Variants in C17orf78 observed in about 807,000 individuals in gnomAD.
C17orf78 encodes the protein uncharacterized protein C17orf78.
Under a neutral mutation model 31.8 loss-of-function variants are expected in C17orf78, and 27 were observed. The observed-to-expected ratio is 0.85, with a 90% CI of 0.63 to 1.17. C17orf78 has a LOEUF of 1.17. Among genes scored for constraint, C17orf78 ranks in the 50% most tolerant of loss-of-function variants. The pLI is 0.00. For missense variants in C17orf78, 258 were observed against 315.2 expected, an observed-to-expected ratio of 0.82 and a Z score of 1.37; for synonymous variants, 106 against 115.1, an observed-to-expected ratio of 0.92 and a Z score of 0.51.
chr17:37,391,851 G>T lies in C17orf78; in HGVS notation c.*127G>T. 2 of 852,824 alleles carry T rather than the reference G, an allele frequency of 2.3e-6. No homozygotes were observed. Among genetic ancestry groups the T allele is most frequent in the East Asian group, 2.4e-5 (1 of 40,902 alleles). 52.8% of individuals were successfully genotyped at this position (852,824 alleles called of 1,614,324 possible). A position where few individuals can be genotyped will look rare whatever the true frequency, so the allele number is the denominator to read the frequency against. On this transcript the variant is annotated 3_prime_UTR_variant, in exon 7 of 7. Transcript: ENST00000615133. ...ACATTACAATCAAACACCAATTCCTGGTTAATGAAGGGAGAGTGTGGGCTT... is the reference window on the plus strand; with the variant it reads ...ACATTACAATCAAACACCAATTCCTTGTTAATGAAGGGAGAGTGTGGGCTT...
At chr17:37,390,908 T>A (rs1169191554) in intron 6 of C17orf78, among the ~76,000 whole-genome samples, 1 of 152,074 alleles carries the variant, frequency 6.6e-6, no homozygotes, top group Admixed American at 6.6e-5. Context: ...CAACTGTGAT[T>A]GAACTTCTAT....
intron 3 of C17orf78, among the ~76,000 whole-genome samples, 157 bp from the exon 4 acceptor site, chr17:37,385,852 G>C (rs775956451): frequency 3.6e-4 from 55 of 152,014 alleles, no homozygotes; most frequent in Non-Finnish European, 3.1e-4. Context: ...TTTACTCTTG[G>C]CATTATTTTG....
intron 6 of C17orf78, among the ~76,000 whole-genome samples, chr17:37,389,696 A>AT (rs1437587578): frequency 6.6e-6 from 1 of 152,030 alleles, no homozygotes; most frequent in Non-Finnish European, 1.5e-5. Context: ...CAAAAAAAAA[A>AT]GAAAGAAAAA....
At chr17:37,389,425 G>T (rs1219683090) in intron 6 of C17orf78, 63 bp downstream of exon 6, 2 of 1,535,104 alleles carry the variant, frequency 1.3e-6, no homozygotes, top group East Asian at 2.5e-5. Context: ...GGCCGGGCGT[G>T]GTGGCTCACA....
At chr17:37,384,589 G>A (rs1257835111) in intron 3 of C17orf78, among the ~76,000 whole-genome samples, 2 of 151,564 alleles carry the variant, frequency 1.3e-5, no homozygotes, top group African/African-American at 4.9e-5. Context: ...ATAACTTGTG[G>A]TGACTTGTCC....
At position 37,388,743 on chromosome 17, in the gene C17orf78, G is replaced by C; in HGVS notation, c.582G>C (p.Leu194Phe). The C allele has an allele frequency of 1.9e-6, 3 of 1,612,818 alleles. No individual in the cohort carries two copies. The highest frequency in any genetic ancestry group is 1.7e-6 in the Non-Finnish European group (2 of 1,179,262). The stretch of plus-strand genomic sequence containing the variant: ...AAATTCTGATTGCTGTCACCCTGTT[G>C]CTCAGTGGAGTTGCCATTATAGTAT... ...VVKILIAVTL[L>F]LSGVAIIVFV... The change falls in exon 5 of 7, where the codon TTG (leucine) becomes TTC (phenylalanine). Residue 194 changes from leucine to phenylalanine, a missense_variant. By Grantham distance (22) the Leu-to-Phe change is conservative (BLOSUM62 0). Transcript: ENST00000615133.
At chr17:37,377,277 G>A (rs1401467284) in intron 1 of C17orf78, among the ~76,000 whole-genome samples, 1 of 152,100 alleles carries the variant, frequency 6.6e-6, no homozygotes, top group Non-Finnish European at 1.5e-5. Flanking sequence ...AACTCTATTT[G>A]ACCTTTCTTT....
chr17:37,389,336 T>G lies in C17orf78; in HGVS notation c.724T>G (p.Ser242Ala). The G allele has an allele frequency of 6.3e-7, 1 of 1,591,666 alleles. No homozygotes were observed. Among genetic ancestry groups the G allele is most frequent in the Non-Finnish European group, 8.6e-7 (1 of 1,169,180 alleles). Residue 242 changes from serine to alanine, a missense_variant, in exon 6 of 7, where the codon TCC (serine) becomes GCC (alanine). Coordinates refer to ENST00000615133, the MANE Select transcript of C17orf78 (RefSeq NM_173625.5). ...AGGCCAGCCACCTGGGACAGCTGAATCCAAGCCTGACTCTCAGCCCCAGAA... is the reference window on the plus strand; with the variant it reads ...AGGCCAGCCACCTGGGACAGCTGAAGCCAAGCCTGACTCTCAGCCCCAGAA... ...KGGQPPGTAE[S>A]KPDSQPQKVG...
chr17:37,386,178 G>T (rs922800505), intron 4 of C17orf78, 53 bp downstream of exon 4: 139 of 1,207,926 alleles, frequency 1.2e-4, no homozygotes, highest in Non-Finnish European at 1.5e-4. Context: ...GGAGTAAAAT[G>T]GGAACAGAAA....
rs965885599 is a variant in C17orf78, at chr17:37,376,021, A to G, written c.-72A>G. On this transcript the variant is annotated 5_prime_UTR_variant, in exon 1 of 7. Transcript: ENST00000615133. ...CCAGCTGCGTGTGGTGAAAGCAACTAGAGGCAGAGCTATCAAGGGCTGTGA... is the reference window on the plus strand; with the variant it reads ...CCAGCTGCGTGTGGTGAAAGCAACTGGAGGCAGAGCTATCAAGGGCTGTGA... 118 of 1,332,058 alleles carry G rather than the reference A, an allele frequency of 8.9e-5. No homozygotes were observed. In the African/African-American group the frequency reaches 1.5e-3, roughly 17 times the overall value. 82.5% of individuals were successfully genotyped at this position (1,332,058 alleles called of 1,614,324 possible).
At chr17:37,376,669 T>C (rs1227658592) in intron 1 of C17orf78, among the ~76,000 whole-genome samples, 6 of 152,112 alleles carry the variant, frequency 3.9e-5, no homozygotes, top group Non-Finnish European at 5.9e-5. Flanking sequence ...AATTAGCTAA[T>C]CAAGGCTGGG....
At position 37,389,225 on chromosome 17, in the gene C17orf78, CCAGT is replaced by C; in HGVS notation, c.634-18_634-15del. 6.4e-7 allele frequency: 1 copy of C among 1,561,614 alleles called. No individual in the cohort carries two copies. The highest frequency in any genetic ancestry group is 8.7e-7 in the Non-Finnish European group (1 of 1,152,940). The stretch of plus-strand genomic sequence containing the variant: ...GCTTACCAGCCACTTCATATTAATA[CCAGT>C]CATTTTCTCCCTTCAGTATCAATGC... On this transcript the variant is annotated splice_polypyrimidine_tract_variant and intron_variant, in intron 5 of 6. Coordinates refer to ENST00000615133, the MANE Select transcript of C17orf78 (RefSeq NM_173625.5).
At chr17:37,390,334 A>ATATATATATATATATCT (rs2050822111) in intron 6 of C17orf78, among the ~76,000 whole-genome samples, 1 of 93,444 alleles carries the variant, frequency 1.1e-5, no homozygotes, top group Non-Finnish European at 1.9e-5. Context: ...ATATATATAT[A>ATATATATATATATATCT]AAAGGCCAGC....
At chr17:37,382,524 G>A (rs1291473621) in intron 3 of C17orf78, among the ~76,000 whole-genome samples, 1 of 152,060 alleles carries the variant, frequency 6.6e-6, no homozygotes, top group Non-Finnish European at 1.5e-5. Flanking sequence ...CTAAAACTGG[G>A]AAATAAGTGG....
rs934795983 is a variant in C17orf78 at position 37,391,832 on chromosome 17, C to T, written c.*108C>T. On this transcript the variant is annotated 3_prime_UTR_variant, in exon 7 of 7. Coordinates refer to ENST00000615133, the MANE Select transcript of C17orf78 (RefSeq NM_173625.5). The stretch of plus-strand genomic sequence containing the variant: ...ACTTGTATCTTCAGCAGGGACATTA[C>T]AATCAAACACCAATTCCTGGTTAAT... 5.1e-6 allele frequency: 5 copies of T among 985,062 alleles called. No homozygotes were observed. The highest frequency in any genetic ancestry group is 8.0e-6 in the Non-Finnish European group (5 of 628,736). 61.0% of individuals were successfully genotyped at this position (985,062 alleles called of 1,614,324 possible).
At chr17:37,384,356 G>A (rs2050435246) in intron 3 of C17orf78, among the ~76,000 whole-genome samples, 1 of 152,138 alleles carries the variant, frequency 6.6e-6, no homozygotes, top group South Asian at 2.1e-4. Flanking sequence ...AGGAAAAGAC[G>A]GCTGTTATCA....
At chr17:37,382,750 C>T (rs777645487) in intron 3 of C17orf78, among the ~76,000 whole-genome samples, 23 of 152,194 alleles carry the variant, frequency 1.5e-4, no homozygotes, top group Admixed American at 1.4e-3. Flanking sequence ...GTCCTAGCTA[C>T]TCAGGAGGCT....
At chr17:37,378,362 G>A (rs986653170) in intron 2 of C17orf78, among the ~76,000 whole-genome samples, 1 of 152,220 alleles carries the variant, frequency 6.6e-6, no homozygotes, top group African/African-American at 2.4e-5. Context: ...AAGTACAGCA[G>A]TGGAGTTTAG....
intron 6 of C17orf78, among the ~76,000 whole-genome samples, chr17:37,391,394 TAGAAAC>T (rs2050878255): frequency 6.6e-6 from 1 of 152,208 alleles, no homozygotes; most frequent in African/African-American, 2.4e-5. Flanking sequence ...ACACAGCTGT[TAGAAAC>T]AGAACTATGA....
Sources: allele counts gnomAD v4.1 joint callset (sites outside exome capture counted in the v4.1 genomes callset), GRCh38; gene constraint gnomAD v4.1.1; transcripts MANE v1.5; gene names NCBI Gene and HGNC (gene_info 2026-07-23, HGNC 2026-07-21).